ROBO2: variants seen among roughly 807,000 people sequenced by gnomAD.
The protein encoded by ROBO2 is roundabout guidance receptor 2.
In ROBO2, 53 loss-of-function variants were observed where a neutral mutation model predicts 160.8. The ratio of observed to expected loss-of-function variants is 0.33; its 90% CI spans 0.26 to 0.41. The LOEUF (loss-of-function observed/expected upper bound fraction) is 0.41. Among genes scored for constraint, ROBO2 ranks in the 10% least tolerant of loss-of-function variants. The pLI is 1.00. For synonymous variants in ROBO2, 664 were observed against 611.7 expected (o/e 1.09, Z -1.26); for missense variants, 1,577 against 1,722.4 (o/e 0.92, Z 1.49).
chr3:76,295,686 C>T (rs1304101546), intron 2 of ROBO2, among the ~76,000 whole-genome samples: 1 of 152,052 alleles, frequency 6.6e-6, no homozygotes, highest in East Asian at 1.9e-4. Flanking sequence ...GTTTAAAAGC[C>T]TTTATCAAGA....
intron 1 of ROBO2, among the ~76,000 whole-genome samples, chr3:75,918,338 G>T (rs1247622114): frequency 6.6e-6 from 1 of 152,074 alleles, no homozygotes; most frequent in South Asian, 2.1e-4. Flanking sequence ...AAGATCAGAT[G>T]GTTGTAGCTG....
chr3:77,034,409 G>A (rs1401881428), intron 2 of ROBO2, among the ~76,000 whole-genome samples: 3 of 149,720 alleles, frequency 2.0e-5, no homozygotes, highest in African/African-American at 7.4e-5. Context: ...AACAACTTCA[G>A]GTACTCCACA....
chr3:76,350,585 A>C, intron 2 of ROBO2, among the ~76,000 whole-genome samples: 1 of 152,212 alleles, frequency 6.6e-6, no homozygotes, highest in Admixed American at 6.6e-5. Flanking sequence ...TACCAATGTT[A>C]AAAATATGAT....
In ROBO2 at chr3:76,311,609, A is replaced by G. The variant is rs142299610; in HGVS notation, c.109+374007A>G. Among the ~76,000 whole-genome samples the G allele has an allele frequency of 3.8e-4, 58 of 152,260 alleles. No individual in the cohort carries two copies. The East Asian group carries it at 0.01, about 27-fold the overall frequency. Reference sequence around the variant, plus strand: ...TTATTGATATCAATATATTTTTGCAATGTTTGGTTTTCTGGGCTTTCAAAG... The same window carrying G: ...TTATTGATATCAATATATTTTTGCAGTGTTTGGTTTTCTGGGCTTTCAAAG... On this transcript the variant is annotated intron_variant, in intron 2 of 26. Coordinates refer to the ROBO2 transcript ENST00000487694.
At chr3:77,602,146 G>A (rs1019706340) in intron 19 of ROBO2, 64 bp from the exon 21 acceptor site, 2 of 1,520,320 alleles carry the variant, frequency 1.3e-6, no homozygotes, top group Non-Finnish European at 1.8e-6. Context: ...TTCATCTTCA[G>A]TCCTGATAGT....
At chr3:76,309,779 G>T (rs759358128) in intron 2 of ROBO2, among the ~76,000 whole-genome samples, 1 of 152,040 alleles carries the variant, frequency 6.6e-6, no homozygotes, top group Non-Finnish European at 1.5e-5. Context: ...TTTTGATCAC[G>T]CCAATTCACT....
intron 2 of ROBO2, among the ~76,000 whole-genome samples, chr3:76,807,521 A>G (rs2064824201): frequency 6.6e-6 from 1 of 152,092 alleles, no homozygotes; most frequent in Non-Finnish European, 1.5e-5. Flanking sequence ...TTCAAAACTT[A>G]TTAACTCATC....
chr3:76,960,069 A>G (rs1056799777), intron 2 of ROBO2, among the ~76,000 whole-genome samples: 12 of 151,928 alleles, frequency 7.9e-5, no homozygotes, highest in African/African-American at 2.9e-4. Flanking sequence ...ATATTTTCTG[A>G]GTATCTCAGA....
intron 2 of ROBO2, among the ~76,000 whole-genome samples, chr3:76,266,989 TTTAA>T (rs535837295): frequency 5.1e-4 from 78 of 152,294 alleles, no homozygotes; most frequent in Middle Eastern, 3.4e-3. Context: ...TTGAAATATT[TTTAA>T]TTGTTTCTGA....
intron 2 of ROBO2, among the ~76,000 whole-genome samples, chr3:77,341,536 T>A (rs993308993): frequency 1.3e-5 from 2 of 152,152 alleles, no homozygotes; most frequent in Non-Finnish European, 2.9e-5. Context: ...TGATGGGAAC[T>A]GGGGAAGTGG....
intron 2 of ROBO2, among the ~76,000 whole-genome samples, chr3:76,423,023 G>A (rs1396560306): frequency 6.6e-6 from 1 of 152,160 alleles, no homozygotes; most frequent in African/African-American, 2.4e-5. Flanking sequence ...ATATAGGAGA[G>A]GAGTTTGTCC....
intron 2 of ROBO2, among the ~76,000 whole-genome samples, chr3:76,806,962 G>A (rs1260685670): frequency 2.0e-5 from 3 of 151,998 alleles, no homozygotes; most frequent in South Asian, 2.1e-4. Context: ...AAGTTTTTAT[G>A]ATGGATTAAT....
chr3:76,285,884 A>G (rs1480596163), intron 2 of ROBO2, among the ~76,000 whole-genome samples: 1 of 152,018 alleles, frequency 6.6e-6, no homozygotes, highest in East Asian at 1.9e-4. Flanking sequence ...GTGTTCTTGT[A>G]TACAGTCCTG....
At chr3:76,652,620 C>A (rs150251925) in intron 2 of ROBO2, among the ~76,000 whole-genome samples, 4 of 152,216 alleles carry the variant, frequency 2.6e-5, no homozygotes, top group East Asian at 3.9e-4. Context: ...AAATTTATAT[C>A]TTTAAGTCTT....
chr3:76,211,011 C>G (rs1703112015), intron 2 of ROBO2, among the ~76,000 whole-genome samples: 1 of 151,974 alleles, frequency 6.6e-6, no homozygotes, highest in African/African-American at 2.4e-5. Flanking sequence ...GTGTTTTAAC[C>G]AATCTTTTGT....
intron 2 of ROBO2, among the ~76,000 whole-genome samples, chr3:76,736,922 G>A (rs192686949): frequency 1.3e-5 from 2 of 152,152 alleles, no homozygotes; most frequent in East Asian, 1.9e-4. Flanking sequence ...AATATGTGAG[G>A]CAGAAAAGAA....
chr3:76,609,385 T>G (rs2087906840), intron 2 of ROBO2, among the ~76,000 whole-genome samples: 1 of 152,168 alleles, frequency 6.6e-6, no homozygotes, highest in South Asian at 2.1e-4. Context: ...GTTTTTCCCT[T>G]CAATTTCTTT....
At chr3:77,546,999 T>C (rs1025479632) in intron 7 of ROBO2, among the ~76,000 whole-genome samples, 2 of 152,048 alleles carry the variant, frequency 1.3e-5, no homozygotes, top group African/African-American at 2.4e-5. Context: ...CCTGGATTCA[T>C]CCATAGTGGG....
In ROBO2 at chr3:76,517,145, C is replaced by T. The variant is rs377605030; in HGVS notation, c.109+579543C>T. ...AATTTTCATACAGTGTGATTGCAAG[C>T]CAGTGTTTCCTGGGGACATGCGTGC... On this transcript the variant is annotated intron_variant, in intron 2 of 26. Transcript: ENST00000487694. 8.5e-5 allele frequency among the ~76,000 whole-genome samples: 13 copies of T among 152,166 alleles called. 1 individual carries two copies. Among genetic ancestry groups the T allele is most frequent in the Admixed American group, 6.5e-4 (10 of 15,268 alleles).
Sources: gnomAD v4.1 joint callset for allele counts (sites outside exome capture counted in the v4.1 genomes callset) on GRCh38, gnomAD v4.1.1 for gene constraint, MANE v1.5 for transcripts, NCBI Gene and HGNC (gene_info 2026-07-23, HGNC 2026-07-21) for gene names.